The following FRMPD1 variants were observed in gnomAD, a reference collection of about 807,000 sequenced individuals.
FRMPD1 encodes the protein FERM and PDZ domain-containing protein 1.
FRMPD1 carries 76 observed loss-of-function variants against 117.8 expected under a neutral mutation model. The observed-to-expected ratio is 0.65, with a 90% CI of 0.54 to 0.78. The LOEUF (loss-of-function observed/expected upper bound fraction) is 0.78, where lower values mean the gene tolerates loss of function less well. FRMPD1 is among the 30% of genes least tolerant of loss of function. The probability of loss-of-function intolerance (pLI) is 0.00; values close to 1 mark genes in which losing one functional copy is unlikely to be tolerated. For missense variants in FRMPD1, 1,786 were observed against 1,964.5 expected (o/e 0.91, Z 1.72); for synonymous variants, 783 against 770.4 (o/e 1.02, Z -0.27).
intron 1 of FRMPD1, among the ~76,000 whole-genome samples, chr9:37,651,644 G>C (rs1350167123): frequency 6.6e-6 from 1 of 152,262 alleles, no homozygotes; most frequent in African/African-American, 2.4e-5. Flanking sequence ...CAGCAGCTTT[G>C]ACTGAGCTTT....
intron 1 of FRMPD1, among the ~76,000 whole-genome samples, chr9:37,688,151 A>T (rs989174770): frequency 6.6e-6 from 1 of 151,372 alleles, no homozygotes; most frequent in Non-Finnish European, 1.5e-5. Flanking sequence ...ATATTTTCCT[A>T]TATATACAAG....
chr9:37,738,627 C>G (rs528678077), intron 14 of FRMPD1, among the ~76,000 whole-genome samples: 1 of 152,146 alleles, frequency 6.6e-6, no homozygotes, highest in Non-Finnish European at 1.5e-5. Flanking sequence ...GCATGAGCCA[C>G]GGCGCCCAGC....
chr9:37,638,050 C>T, the FRMPD1 span, among the ~76,000 whole-genome samples: 4,662 of 73,414 alleles, frequency 0.064, 603 homozygotes, highest in East Asian at 0.26. Flanking sequence ...TTCTTTCTTT[C>T]CTTTCTTTCT....
At chr9:37,642,376 A>G in the FRMPD1 span, among the ~76,000 whole-genome samples, 3 of 152,084 alleles carry the variant, frequency 2.0e-5, no homozygotes, top group Admixed American at 2.0e-4. Flanking sequence ...AAGCTCTATC[A>G]TCCCTCTCCC....
chr9:37,672,678 A>G (rs1223032688), intron 1 of FRMPD1, among the ~76,000 whole-genome samples: 1 of 152,136 alleles, frequency 6.6e-6, no homozygotes, highest in Non-Finnish European at 1.5e-5. Context: ...CACCCTGCTG[A>G]TAAAGACATA....
chr9:37,623,586 A>T, the FRMPD1 span, among the ~76,000 whole-genome samples: 23 of 152,288 alleles, frequency 1.5e-4, no homozygotes, highest in South Asian at 4.6e-3. Context: ...GACATAGGGG[A>T]GTCATAGATA....
At chr9:37,682,608 C>T (rs1213647019) in intron 1 of FRMPD1, among the ~76,000 whole-genome samples, 7 of 152,172 alleles carry the variant, frequency 4.6e-5, no homozygotes, top group South Asian at 2.1e-4. Flanking sequence ...TCAGCATTCC[C>T]TAGGTTTTAT....
chr9:37,621,182 C>G, the FRMPD1 span, among the ~76,000 whole-genome samples: 1 of 152,056 alleles, frequency 6.6e-6, no homozygotes, highest in African/African-American at 2.4e-5. Context: ...AGGCAGGGGA[C>G]AGGAAAGGCC....
chr9:37,731,337 T>C (rs1410075583), intron 9 of FRMPD1, among the ~76,000 whole-genome samples: 1 of 152,232 alleles, frequency 6.6e-6, no homozygotes, highest in Non-Finnish European at 1.5e-5. Flanking sequence ...ATGTAGATGA[T>C]ACATTTTCTA....
chr9:37,661,143 C>A (rs886262553), intron 1 of FRMPD1, among the ~76,000 whole-genome samples: 2 of 152,204 alleles, frequency 1.3e-5, no homozygotes, highest in Admixed American at 6.5e-5. Context: ...CCTGGAACTG[C>A]TGCCTGTTGT....
At position 37,744,456 on chromosome 9, in the gene FRMPD1, C is replaced by T. The variant is rs755320836; in HGVS notation, c.2424C>T (p.Ser808=). ...TSLQNKASTS[S]PENSLPCGPD... is the part of the protein sequence containing the mutation. ...TGCAGAATAAGGCCAGCACTTCTAGCCCTGAGAACAGCCTGCCTTGTGGGC... is the reference window on the plus strand; with the variant it reads ...TGCAGAATAAGGCCAGCACTTCTAGTCCTGAGAACAGCCTGCCTTGTGGGC... The change falls in exon 16 of 16, where the codon AGC becomes AGT. Residue 808 remains serine (S), a synonymous_variant. Coordinates refer to ENST00000377765, the MANE Select transcript of FRMPD1 (RefSeq NM_014907.3). 2.5e-6 allele frequency: 4 copies of T among 1,613,996 alleles called. No individual in the cohort carries two copies. The highest frequency in any genetic ancestry group is 2.2e-5 in the South Asian group (2 of 91,060).
At chr9:37,655,825 C>T (rs1242885868) in intron 1 of FRMPD1, among the ~76,000 whole-genome samples, 1 of 152,062 alleles carries the variant, frequency 6.6e-6, no homozygotes, top group Non-Finnish European at 1.5e-5. Context: ...ATCCCCCTAG[C>T]CTCAGGTCTC....
At chr9:37,731,691 G>A (rs575319205) in intron 9 of FRMPD1, among the ~76,000 whole-genome samples, 1 of 152,268 alleles carries the variant, frequency 6.6e-6, no homozygotes, top group East Asian at 1.9e-4. Flanking sequence ...GGCCAACATG[G>A]TGAAACCCCG....
intron 1 of FRMPD1, among the ~76,000 whole-genome samples, chr9:37,666,604 C>T (rs575843623): frequency 6.6e-6 from 1 of 152,276 alleles, no homozygotes; most frequent in Admixed American, 6.5e-5. Context: ...TGCACAAAGC[C>T]TTCCCTGATA....
intron 2 of FRMPD1, chr9:37,693,084 A>C: frequency 3.9e-6 from 1 of 254,466 alleles, no homozygotes; most frequent in Non-Finnish European, 7.6e-6. Flanking sequence ...TCATACATAC[A>C]CTCTTTTGAT....
At chr9:37,714,596 T>G (rs1823033061) in intron 5 of FRMPD1, among the ~76,000 whole-genome samples, 1 of 60,986 alleles carries the variant, frequency 1.6e-5, no homozygotes, top group African/African-American at 7.7e-5. Flanking sequence ...TTTTATTTTA[T>G]TTTATTTTAT....
rs562813917 is a variant in FRMPD1 at position 37,740,343 on chromosome 9, G to A, written c.1815G>A (p.Ser605=). 9.9e-6 allele frequency: 16 copies of A among 1,613,492 alleles called. No homozygotes were observed. In the Middle Eastern group the frequency reaches 5.0e-4, roughly 50 times the overall value. ...TESRGYRTSG[S]SESMDALEED... ...GCCGCGGCTACAGGACCAGTGGCTCGAGTGAGTCCATGGACGCTCTGGAAG... is the reference window on the plus strand; with the variant it reads ...GCCGCGGCTACAGGACCAGTGGCTCAAGTGAGTCCATGGACGCTCTGGAAG... Residue 605 remains serine, a synonymous_variant, in exon 15 of 16, where the codon TCG becomes TCA. Coordinates refer to ENST00000377765, the MANE Select transcript of FRMPD1 (RefSeq NM_014907.3). The surrounding 1 kb of genome is among the most constrained non-coding windows in gnomAD (Gnocchi z 4.2).
chr9:37,619,812 G>A, the FRMPD1 span, among the ~76,000 whole-genome samples: 1 of 151,700 alleles, frequency 6.6e-6, no homozygotes. Context: ...ATATTATGTG[G>A]GGACCCTGCC....
rs186608094 is a variant in FRMPD1, at chr9:37,665,593, G to T, written c.-5+14499G>T. On this transcript the variant is annotated intron_variant, in intron 1 of 15. Transcript: ENST00000377765. Reference sequence around the variant, plus strand: ...TTTTTTCCACTCCATTTGTAATTGAGCCCAGGGAGCTATTCTTATTTCTTC... The same window carrying T: ...TTTTTTCCACTCCATTTGTAATTGATCCCAGGGAGCTATTCTTATTTCTTC... Among the ~76,000 whole-genome samples, 3 of 152,216 alleles carry T rather than the reference G, an allele frequency of 2.0e-5. No homozygotes were observed. The East Asian group carries it at 5.8e-4, about 29-fold the overall frequency.
Sources: gnomAD v4.1 joint callset for allele counts (sites outside exome capture counted in the v4.1 genomes callset) on GRCh38, gnomAD v4.1.1 for gene constraint, Gnocchi (gnomAD v3.1) non-coding constraint, MANE v1.5 for transcripts, NCBI Gene and HGNC (gene_info 2026-07-23, HGNC 2026-07-21) for gene names.